The following SHFL variants were observed in gnomAD, a reference collection of about 807,000 sequenced individuals.
SHFL encodes shiftless antiviral inhibitor of ribosomal frameshifting.
A neutral mutation model predicts 34.7 loss-of-function variants in SHFL; 12 were observed. The observed-to-expected ratio is 0.35, with a 90% CI of 0.22 to 0.56. The LOEUF (loss-of-function observed/expected upper bound fraction) is 0.56. Ranked by LOEUF, SHFL falls within the 20% of genes least tolerant of loss-of-function variation. SHFL has a pLI of 0.88. For missense variants in SHFL, 278 were observed against 411.1 expected (o/e 0.68, Z 2.80); for synonymous variants, 148 against 156.0 (o/e 0.95, Z 0.38).
rs975743757 is a variant in SHFL, at chr19:10,086,979, C to T, written c.72C>T (p.Ser24=). The T allele has an allele frequency of 1.9e-6, 3 of 1,613,670 alleles. No individual in the cohort carries two copies. Among genetic ancestry groups the T allele is most frequent in the Non-Finnish European group, 2.5e-6 (3 of 1,179,818 alleles). ...GGGAGAAGTTTCATGGGAAGGTATCCTCCAAGAAGGCGGGGGCTCTGATGA... is the reference window on the plus strand; with the variant it reads ...GGGAGAAGTTTCATGGGAAGGTATCTTCCAAGAAGGCGGGGGCTCTGATGA... The part of the protein sequence containing the change: ...RLREKFHGKV[S]SKKAGALMRK... Residue 24 remains serine, a synonymous_variant, in exon 2 of 8, where the codon TCC becomes TCT. Transcript: ENST00000253110. The surrounding 1 kb of genome is among the most constrained non-coding windows in gnomAD (Gnocchi z 5.2).
chr19:10,086,370 A>AG lies in SHFL; in HGVS notation c.-52dup. 3 of 1,264,808 alleles carry AG rather than the reference A, an allele frequency of 2.4e-6. No individual in the cohort carries two copies. Among genetic ancestry groups the AG allele is most frequent in the South Asian group, 7.1e-5 (2 of 28,236 alleles). The allele number at this position is 1,264,808 out of a possible 1,614,324, so 78.3% of individuals were successfully genotyped here. On this transcript the variant is annotated 5_prime_UTR_variant, in exon 1 of 8. Coordinates refer to ENST00000253110, the MANE Select transcript of SHFL (RefSeq NM_018381.4). The surrounding 1 kb of genome is among the most constrained non-coding windows in gnomAD (Gnocchi z 5.2). ...GCTGGACCGACGGGCGCACCCAGGTAGGGGGGCGGCTGAGCCGCGCAGTGC... is the reference window on the plus strand; with the variant it reads ...GCTGGACCGACGGGCGCACCCAGGTAGGGGGGGCGGCTGAGCCGCGCAGTGC...
Position 10,092,416 on chromosome 19 carries a change from A to C in SHFL, c.*114A>C. 1 of 1,516,174 alleles carries C rather than the reference A, an allele frequency of 6.6e-7. No homozygotes were observed. The highest frequency in any genetic ancestry group is 8.8e-7 in the Non-Finnish European group (1 of 1,133,082). The allele number at this position is 1,516,174 out of a possible 1,614,324, so 93.9% of individuals were successfully genotyped here. ...CCTTGGGGAGCCATCTGAGGCCAAGATATTGACGGGGGGGATTCCTGGGTC... is the reference window on the plus strand; with the variant it reads ...CCTTGGGGAGCCATCTGAGGCCAAGCTATTGACGGGGGGGATTCCTGGGTC... On this transcript the variant is annotated 3_prime_UTR_variant, in exon 8 of 8. Transcript: ENST00000253110.
At position 10,093,129 on chromosome 19, in the gene SHFL, A is replaced by G; in HGVS notation, c.*827A>G. On this transcript the variant is annotated 3_prime_UTR_variant, in exon 8 of 8. Coordinates refer to ENST00000253110, the MANE Select transcript of SHFL (RefSeq NM_018381.4). The stretch of plus-strand genomic sequence containing the variant: ...ACCCTCTGCCCTTTACTTGAACAGG[A>G]GTCTTGATTCTTTTTTTGCCTCATC... The G allele has an allele frequency of 1.7e-6, 1 of 590,212 alleles. No individual in the cohort carries two copies. Among genetic ancestry groups the G allele is most frequent in the East Asian group, 2.8e-5 (1 of 35,894 alleles). 36.6% of individuals were successfully genotyped at this position (590,212 alleles called of 1,614,324 possible).
rs377159932 is a variant in SHFL at position 10,091,993 on chromosome 19, G to C, written c.644-77G>C. The C allele has an allele frequency of 1.9e-6, 3 of 1,578,344 alleles. No individual in the cohort carries two copies. The highest frequency in any genetic ancestry group is 2.2e-5 in the South Asian group (2 of 88,924). On this transcript the variant is annotated intron_variant, in intron 7 of 7. Coordinates refer to ENST00000253110, the MANE Select transcript of SHFL (RefSeq NM_018381.4). This position sits in a 1 kb window ranked among gnomAD's most constrained non-coding sequence, Gnocchi z 8.2. The stretch of plus-strand genomic sequence containing the variant: ...GGTCTCAGCTCCTCCCTAGAGCCCC[G>C]CGTGGCCTAAGTCCCCTCCTCCCCA...
chr19:10,086,867 G>C lies in SHFL; in HGVS notation c.22-62G>C. On this transcript the variant is annotated intron_variant, in intron 1 of 7. Transcript: ENST00000253110. This position sits in a 1 kb window ranked among gnomAD's most constrained non-coding sequence, Gnocchi z 5.2. ...TCGGGCCGGGAGAACGGTGCCTAGA[G>C]ATGGGGGAGGGATGATCCCGTTTCC... 1 of 1,592,618 alleles carries C rather than the reference G, an allele frequency of 6.3e-7. No individual in the cohort carries two copies. The highest frequency in any genetic ancestry group is 8.6e-7 in the Non-Finnish European group (1 of 1,166,670).
At position 10,092,610 on chromosome 19, in the gene SHFL, G is replaced by A. The variant is rs1688870184; in HGVS notation, c.*308G>A. 10 of 1,609,112 alleles carry A rather than the reference G, an allele frequency of 6.2e-6. No individual in the cohort carries two copies. Among genetic ancestry groups the A allele is most frequent in the East Asian group, 2.2e-5 (1 of 44,726 alleles). On this transcript the variant is annotated 3_prime_UTR_variant, in exon 8 of 8. Coordinates refer to ENST00000253110, the MANE Select transcript of SHFL (RefSeq NM_018381.4). ...AGAGTCACAGCTTCAGGGGCCGAAT[G>A]AGCATGGCGGCCTTCCTGAGAGAAT...
chr19:10,086,347 T>A lies in SHFL; in HGVS notation c.-81T>A, dbSNP rs992617466. 2.4e-6 allele frequency: 3 copies of A among 1,224,932 alleles called. No homozygotes were observed. In the East Asian group the frequency reaches 9.4e-5, roughly 39 times the overall value. 75.9% of individuals were successfully genotyped at this position (1,224,932 alleles called of 1,614,324 possible). On this transcript the variant is annotated 5_prime_UTR_variant, in exon 1 of 8. Transcript: ENST00000253110. The surrounding 1 kb of genome is among the most constrained non-coding windows in gnomAD (Gnocchi z 5.2). ...ACCGCCCCCTGCCCTGCGCGGCTGC[T>A]GGACCGACGGGCGCACCCAGGTAGG...
chr19:10,091,393 T>G lies in SHFL; in HGVS notation c.488+40T>G. On this transcript the variant is annotated intron_variant, in intron 6 of 7. Coordinates refer to ENST00000253110, the MANE Select transcript of SHFL (RefSeq NM_018381.4). The surrounding 1 kb of genome is among the most constrained non-coding windows in gnomAD (Gnocchi z 8.2). ...CCCCAGCTCCCCCTCAGCCCTGCCC[T>G]ACCCCAGCCCTGCCCCTCCCTGCCC... The G allele has an allele frequency of 7.5e-7, 1 of 1,332,514 alleles. No individual in the cohort carries two copies. Among genetic ancestry groups the G allele is most frequent in the South Asian group, 1.2e-5 (1 of 84,308 alleles). The allele number at this position is 1,332,514 out of a possible 1,614,324, so 82.5% of individuals were successfully genotyped here.
In SHFL at chr19:10,091,371, C is replaced by A; in HGVS notation, c.488+18C>A. On this transcript the variant is annotated intron_variant, in intron 6 of 7. Coordinates refer to ENST00000253110, the MANE Select transcript of SHFL (RefSeq NM_018381.4). The surrounding 1 kb of genome is among the most constrained non-coding windows in gnomAD (Gnocchi z 8.2). ...AACTTCCGGTGAGGGCGCTGACCCC[C>A]AGCTCCCCCTCAGCCCTGCCCTACC... is the stretch of plus-strand genomic sequence containing the variant. The A allele has an allele frequency of 6.2e-7, 1 of 1,609,712 alleles. No homozygotes were observed. Among genetic ancestry groups the A allele is most frequent in the East Asian group, 2.2e-5 (1 of 44,828 alleles).
At chr19:10,090,235 A>T in intron 5 of SHFL, 188 bp downstream of exon 5, 1 of 652,568 alleles carries the variant, frequency 1.5e-6, no homozygotes, top group Non-Finnish European at 2.6e-6. Context: ...TCTGACCTTA[A>T]ATGTGAGAAG....
At chr19:10,087,564 A>T (rs1323960425) in intron 3 of SHFL, 1 of 550,260 alleles carries the variant, frequency 1.8e-6, no homozygotes, top group Non-Finnish European at 3.2e-6. Context: ...AGGAGCCAGG[A>T]TTATTGCCAT....
In SHFL at chr19:10,086,805, G is replaced by GT. The variant is rs944329880; in HGVS notation, c.22-124_22-123insT. 4 of 1,179,488 alleles carry GT rather than the reference G, an allele frequency of 3.4e-6. No homozygotes were observed. The highest frequency in any genetic ancestry group is 4.7e-6 in the Non-Finnish European group (4 of 843,280). The allele number at this position is 1,179,488 out of a possible 1,614,324, so 73.1% of individuals were successfully genotyped here. On this transcript the variant is annotated intron_variant, in intron 1 of 7. Coordinates refer to ENST00000253110, the MANE Select transcript of SHFL (RefSeq NM_018381.4). This position sits in a 1 kb window ranked among gnomAD's most constrained non-coding sequence, Gnocchi z 5.2. ...AAATGCCGTAAAGGGATGAAAGGCG[G>GT]GGGGGGGGCGGCGGAGGCCAAAACC...
In SHFL at chr19:10,089,276, G is replaced by A. The variant is rs1336694436; in HGVS notation, c.196-381G>A. On this transcript the variant is annotated intron_variant, in intron 3 of 7. Transcript: ENST00000253110. ...CCCACAGCTGGAAGTGATACAGCTG[G>A]GATTTGAACCCACATCTCTCTCCCA... The A allele has an allele frequency of 2.5e-6, 4 of 1,591,826 alleles. No homozygotes were observed. In the African/African-American group the frequency reaches 4.0e-5, roughly 16 times the overall value.
Position 10,092,568 on chromosome 19 carries a change from AGG to A in SHFL, c.*269_*270del. ...TGCTGACCAATGTCCTCTAGGGCCT[AGG>A]GGACAGAGGAACACAGAGTCACAGC... On this transcript the variant is annotated 3_prime_UTR_variant, in exon 8 of 8. Coordinates refer to ENST00000253110, the MANE Select transcript of SHFL (RefSeq NM_018381.4). The A allele has an allele frequency of 6.3e-7, 1 of 1,587,504 alleles. No homozygotes were observed. Among genetic ancestry groups the A allele is most frequent in the Non-Finnish European group, 8.6e-7 (1 of 1,162,882 alleles).
chr19:10,090,822 C>G (rs548311495), intron 5 of SHFL, among the ~76,000 whole-genome samples: 1 of 151,410 alleles, frequency 6.6e-6, no homozygotes, highest in African/African-American at 2.4e-5. Context: ...GTGGGAGGAT[C>G]GTTTGAGCCT....
At chr19:10,088,564 G>A (rs911979972) in intron 3 of SHFL, among the ~76,000 whole-genome samples, 8 of 151,886 alleles carry the variant, frequency 5.3e-5, no homozygotes, top group East Asian at 3.9e-4. Context: ...GCGATTCTCC[G>A]TCTCAAACAA....
intron 3 of SHFL, 109 bp downstream of exon 3, chr19:10,087,409 G>T: frequency 8.6e-7 from 1 of 1,158,450 alleles, no homozygotes; most frequent in Non-Finnish European, 1.3e-6. Flanking sequence ...GGAGGGACCA[G>T]GCATTGTCGG....
At position 10,092,167 on chromosome 19, in the gene SHFL, T is replaced by C; in HGVS notation, c.741T>C (p.Ser247=). Residue 247 remains serine, a synonymous_variant, in exon 8 of 8, where the codon AGT becomes AGC. Transcript: ENST00000253110. ...ACCCCAGCAACCCTCACATTAGCAG[T>C]GGCTCCACTGTGGCCACCTGCTTGA... ...VLHPSNPHIS[S]GSTVATCLSQ... is the part of the protein sequence containing the mutation. 6.2e-7 allele frequency: 1 copy of C among 1,613,648 alleles called. No homozygotes were observed. Among genetic ancestry groups the C allele is most frequent in the East Asian group, 2.2e-5 (1 of 44,862 alleles).
chr19:10,089,713 G>A lies in SHFL; in HGVS notation c.234+18G>A, dbSNP rs925037475. ...ACATTCAGGTGAGTTGGTGGCTAGGGCTTGGGATGGGGGAGTTGGGAGGGG... is the reference window on the plus strand; with the variant it reads ...ACATTCAGGTGAGTTGGTGGCTAGGACTTGGGATGGGGGAGTTGGGAGGGG... On this transcript the variant is annotated intron_variant, in intron 4 of 7. Coordinates refer to ENST00000253110, the MANE Select transcript of SHFL (RefSeq NM_018381.4). The A allele has an allele frequency of 6.3e-7, 1 of 1,593,814 alleles. No individual in the cohort carries two copies. Among genetic ancestry groups the A allele is most frequent in the Non-Finnish European group, 8.5e-7 (1 of 1,169,710 alleles).
Sources: gnomAD v4.1 joint callset for allele counts (sites outside exome capture counted in the v4.1 genomes callset) on GRCh38, gnomAD v4.1.1 for gene constraint, Gnocchi (gnomAD v3.1) non-coding constraint, MANE v1.5 for transcripts, NCBI Gene and HGNC (gene_info 2026-07-23, HGNC 2026-07-21) for gene names.